The following MAP2 variants were observed in gnomAD, a reference collection of about 807,000 sequenced individuals.
MAP2 encodes microtubule associated protein 2, also known as microtubule-associated protein 2.
MAP2 carries 14 observed loss-of-function variants against 137.6 expected under a neutral mutation model. The ratio of observed to expected loss-of-function variants is 0.10; its 90% CI spans 0.07 to 0.16. The LOEUF is 0.16. Among genes scored for constraint, MAP2 ranks in the 10% least tolerant of loss-of-function variants. The pLI is 1.00. For synonymous variants in MAP2, 786 were observed against 782.3 expected (o/e 1.00, Z -0.08); for missense variants, 2,088 against 2,191.5 (o/e 0.95, Z 0.94).
chr2:209,488,750 T>C (rs2058703910), intron 1 of MAP2, among the ~76,000 whole-genome samples: 1 of 152,138 alleles, frequency 6.6e-6, no homozygotes, highest in African/African-American at 2.4e-5. Context: ...TCCTCCTCTC[T>C]AGCCAGGGCA....
intron 5 of MAP2, among the ~76,000 whole-genome samples, chr2:209,662,448 C>A (rs2044095720): frequency 6.6e-6 from 1 of 152,098 alleles, no homozygotes; most frequent in Admixed American, 6.6e-5. Context: ...ACAATTCAGA[C>A]CTATTTATGA....
At chr2:209,729,051 A>AT (rs1347332283) in intron 14 of MAP2, among the ~76,000 whole-genome samples, 1 of 152,216 alleles carries the variant, frequency 6.6e-6, no homozygotes, top group Non-Finnish European at 1.5e-5. Flanking sequence ...AACTTTCCAT[A>AT]TTTGAGAGCT....
intron 3 of MAP2, among the ~76,000 whole-genome samples, chr2:209,603,122 C>A (rs1479899148): frequency 2.0e-5 from 3 of 152,146 alleles, no homozygotes; most frequent in Non-Finnish European, 4.4e-5. Flanking sequence ...CAGAGTCAAA[C>A]TGCCCTTAAG....
intron 2 of MAP2, among the ~76,000 whole-genome samples, chr2:209,551,920 CAG>C (rs2069262244): frequency 6.6e-6 from 1 of 152,146 alleles, no homozygotes; most frequent in Admixed American, 6.5e-5. Flanking sequence ...TAGCAAATAA[CAG>C]AACTCCATTT....
intron 2 of MAP2, among the ~76,000 whole-genome samples, chr2:209,545,746 G>A (rs562117219): frequency 6.6e-6 from 1 of 152,226 alleles, no homozygotes; most frequent in African/African-American, 2.4e-5. Context: ...CATCAAATCT[G>A]TACAGTTATG....
chr2:209,468,034 G>T (rs1250844975), intron 1 of MAP2, among the ~76,000 whole-genome samples: 1 of 152,018 alleles, frequency 6.6e-6, no homozygotes, highest in African/African-American at 2.4e-5. Context: ...CATATTATTT[G>T]CATGCATATC....
intron 1 of MAP2, among the ~76,000 whole-genome samples, chr2:209,485,364 G>A (rs879273432): frequency 1.3e-5 from 2 of 152,074 alleles, no homozygotes; most frequent in Admixed American, 1.3e-4. Context: ...TGGATTATAA[G>A]CCCCACCTCC....
At chr2:209,608,741 A>G (rs2085687305) in intron 3 of MAP2, among the ~76,000 whole-genome samples, 1 of 152,120 alleles carries the variant, frequency 6.6e-6, no homozygotes, top group African/African-American at 2.4e-5. Flanking sequence ...ATAAATATAC[A>G]TTCCTCCAAT....
chr2:209,502,596 A>G (rs2060516165), intron 1 of MAP2, among the ~76,000 whole-genome samples: 1 of 152,014 alleles, frequency 6.6e-6, no homozygotes, highest in Non-Finnish European at 1.5e-5. Flanking sequence ...TTCTTTGTGT[A>G]TTTTCCCTGT....
At position 209,459,557 on chromosome 2, in the gene MAP2, C is replaced by T. The variant is rs115357069; in HGVS notation, c.-222+35281C>T. Among the ~76,000 whole-genome samples the T allele has an allele frequency of 2.7e-3, 405 of 152,292 alleles. 1 individual carries two copies. The highest frequency in any genetic ancestry group is 0.013 in the South Asian group (62 of 4,820). ...TCCCATTCTGCCCTCCAGGCAGATT[C>T]GGATCTTGGTGTCTAGCTCTCATAC... On this transcript the variant is annotated intron_variant, in intron 1 of 15. Transcript: ENST00000682079.
At chr2:209,644,791 C>T (rs2094308248) in intron 4 of MAP2, among the ~76,000 whole-genome samples, 1 of 151,754 alleles carries the variant, frequency 6.6e-6, no homozygotes, top group African/African-American at 2.4e-5. Context: ...TTCAAATAAC[C>T]CCTTTTAGAC....
chr2:209,646,287 AT>A (rs113059600), intron 4 of MAP2, among the ~76,000 whole-genome samples: 94 of 151,998 alleles, frequency 6.2e-4, no homozygotes, highest in African/African-American at 1.9e-3. Flanking sequence ...TTTATTATGC[AT>A]TTTTTTTGCA....
At chr2:209,465,012 A>G (rs529400683) in intron 1 of MAP2, among the ~76,000 whole-genome samples, 7 of 152,190 alleles carry the variant, frequency 4.6e-5, no homozygotes, top group African/African-American at 1.2e-4. Context: ...TTTCTTCTCA[A>G]TGCTGCACGC....
At chr2:209,656,345 A>G (rs532356497) in intron 5 of MAP2, among the ~76,000 whole-genome samples, 1 of 151,904 alleles carries the variant, frequency 6.6e-6, no homozygotes, top group African/African-American at 2.4e-5. Flanking sequence ...GCAAAACCTC[A>G]TCTCCAAAAA....
intron 1 of MAP2, among the ~76,000 whole-genome samples, chr2:209,429,553 A>G (rs1024273791): frequency 6.6e-6 from 1 of 152,174 alleles, no homozygotes; most frequent in Non-Finnish European, 1.5e-5. Context: ...AAATATTCCT[A>G]ATTACATTTC....
At chr2:209,675,698 A>G (rs778998334) in intron 5 of MAP2, among the ~76,000 whole-genome samples, 32 of 151,884 alleles carry the variant, frequency 2.1e-4, no homozygotes, top group Non-Finnish European at 1.0e-4. Flanking sequence ...ATACAATCCC[A>G]AAGAAAAATA....
chr2:209,719,180 C>T (rs550733166), intron 13 of MAP2, among the ~76,000 whole-genome samples: 1 of 152,094 alleles, frequency 6.6e-6, no homozygotes, highest in Non-Finnish European at 1.5e-5. Context: ...GTTCACTCCC[C>T]CTTCTCAAAA....
At chr2:209,486,248 T>C (rs991374008) in intron 1 of MAP2, among the ~76,000 whole-genome samples, 100 of 151,804 alleles carry the variant, frequency 6.6e-4, no homozygotes, top group African/African-American at 2.3e-3. Context: ...TCTTTTTTTT[T>C]AATGGAGTCT....
intron 3 of MAP2, among the ~76,000 whole-genome samples, chr2:209,614,677 C>G (rs1016832239): frequency 6.6e-6 from 1 of 152,064 alleles, no homozygotes; most frequent in African/African-American, 2.4e-5. Flanking sequence ...TACAAGCAAT[C>G]GCTTTAGTAA....
Sources: gnomAD v4.1 joint callset for allele counts (sites outside exome capture counted in the v4.1 genomes callset) on GRCh38, gnomAD v4.1.1 for gene constraint, MANE v1.5 for transcripts, NCBI Gene and HGNC (gene_info 2026-07-23, HGNC 2026-07-21) for gene names.